Variants in MEIS2 observed in about 807,000 individuals in gnomAD.
The protein encoded by MEIS2 is Meis homeobox 2, also known as homeobox protein Meis2.
MEIS2 carries 9 observed loss-of-function variants against 58.6 expected under a neutral mutation model. That is an observed-to-expected ratio of 0.15 (90% CI 0.09 to 0.27). MEIS2 has a LOEUF of 0.27. Ranked by LOEUF, MEIS2 falls within the 10% of genes least tolerant of loss-of-function variation. The pLI, the probability that MEIS2 is intolerant of heterozygous loss-of-function variation, is 1.00. For synonymous variants in MEIS2, 221 were observed against 228.4 expected (o/e 0.97, Z 0.29); for missense variants, 427 against 635.0 (o/e 0.67, Z 3.52).
At chr15:37,079,827 A>C (rs971809635) in intron 7 of MEIS2, among the ~76,000 whole-genome samples, 1 of 152,114 alleles carries the variant, frequency 6.6e-6, no homozygotes, top group African/African-American at 2.4e-5. Context: ...CTGTGTCCTG[A>C]AAGATTAGAG....
At chr15:36,971,323 G>C (rs958563347) in intron 8 of MEIS2, among the ~76,000 whole-genome samples, 5 of 151,802 alleles carry the variant, frequency 3.3e-5, no homozygotes, top group Admixed American at 6.6e-5. Flanking sequence ...CAATGTCTAA[G>C]AAATGCTTAA....
chr15:36,955,605 T>C (rs1268890937), intron 8 of MEIS2, among the ~76,000 whole-genome samples: 2 of 152,050 alleles, frequency 1.3e-5, no homozygotes, highest in African/African-American at 4.8e-5. Context: ...AATAACAAGG[T>C]TTGTGATGCT....
chr15:37,092,665 C>T (rs1254028369), intron 6 of MEIS2, among the ~76,000 whole-genome samples: 1 of 74,350 alleles, frequency 1.3e-5, no homozygotes, highest in East Asian at 4.6e-4. Flanking sequence ...CTCTTTGCTT[C>T]TTTTTCAAAT....
chr15:37,022,581 A>G (rs1567193078), intron 8 of MEIS2, among the ~76,000 whole-genome samples: 1 of 151,426 alleles, frequency 6.6e-6, no homozygotes. Flanking sequence ...CTTACCAGTC[A>G]TTTGTATTTC....
chr15:37,005,395 T>A (rs760801781), intron 8 of MEIS2, among the ~76,000 whole-genome samples: 2 of 152,226 alleles, frequency 1.3e-5, no homozygotes, highest in African/African-American at 2.4e-5. Context: ...TGGAACAATC[T>A]AGGTCTCCAG....
intron 8 of MEIS2, among the ~76,000 whole-genome samples, chr15:36,965,411 T>C (rs1243583284): frequency 6.6e-6 from 1 of 152,194 alleles, no homozygotes; most frequent in Admixed American, 6.5e-5. Flanking sequence ...ATTTCTAAGG[T>C]ATTTTAGTTT....
Position 36,964,593 on chromosome 15 carries a change from A to C in MEIS2, c.901-14193T>G, listed in dbSNP as rs981074051. ...TTTTCATGAGAAATTATATATTTCT[A>C]TTAGCCCATATTGATTCAGAAAGAA... On this transcript the variant is annotated intron_variant, in intron 8 of 11. Coordinates refer to ENST00000561208, the MANE Select transcript of MEIS2 (RefSeq NM_170675.5). Among the ~76,000 whole-genome samples the C allele has an allele frequency of 3.9e-5, 6 of 152,188 alleles. 1 individual carries two copies. Among genetic ancestry groups the C allele is most frequent in the Admixed American group, 3.9e-4 (6 of 15,288 alleles).
intron 6 of MEIS2, 46 bp from the exon 7 acceptor site, chr15:37,083,931 C>T: frequency 4.5e-6 from 7 of 1,555,942 alleles, no homozygotes; most frequent in Non-Finnish European, 5.3e-6. Flanking sequence ...ACCATTTCAG[C>T]CATCAATGAA....
intron 9 of MEIS2, among the ~76,000 whole-genome samples, chr15:36,905,695 G>A (rs565979340): frequency 5.9e-5 from 9 of 152,132 alleles, no homozygotes; most frequent in African/African-American, 2.2e-4. Context: ...TCACACATTG[G>A]TAAATCTTCC....
chr15:36,985,774 A>G (rs2060074138), intron 8 of MEIS2, among the ~76,000 whole-genome samples: 1 of 152,112 alleles, frequency 6.6e-6, no homozygotes, highest in African/African-American at 2.4e-5. Flanking sequence ...TAATCTCTCA[A>G]AGCAGTTCCC....
chr15:36,913,547 A>G (rs1238510691), intron 9 of MEIS2, among the ~76,000 whole-genome samples: 3 of 152,190 alleles, frequency 2.0e-5, no homozygotes, highest in Non-Finnish European at 4.4e-5. Flanking sequence ...TAAAGCAACT[A>G]TTTCCTTAAA....
chr15:36,961,284 A>G lies in MEIS2; in HGVS notation c.901-10884T>C, dbSNP rs916224818. Among the ~76,000 whole-genome samples the G allele has an allele frequency of 5.3e-5, 8 of 152,292 alleles. No individual in the cohort carries two copies. In the East Asian group the frequency reaches 1.5e-3, roughly 29 times the overall value. The stretch of plus-strand genomic sequence containing the variant: ...ATGTCTTTTCATCATACCTGTGAAC[A>G]TGTATTTTTCTGGTAATTATAAGAT... On this transcript the variant is annotated intron_variant, in intron 8 of 11. Coordinates refer to ENST00000561208, the MANE Select transcript of MEIS2 (RefSeq NM_170675.5).
At chr15:37,005,789 G>A (rs2060900619) in intron 8 of MEIS2, among the ~76,000 whole-genome samples, 1 of 152,108 alleles carries the variant, frequency 6.6e-6, no homozygotes, top group Non-Finnish European at 1.5e-5. Context: ...AAACTTCTGA[G>A]CTCAAGTCAT....
At chr15:37,018,473 T>C in intron 8 of MEIS2, among the ~76,000 whole-genome samples, 1 of 152,342 alleles carries the variant, frequency 6.6e-6, no homozygotes, top group South Asian at 2.1e-4. Flanking sequence ...TATACAATTT[T>C]TAAAGTAGTG....
At chr15:36,956,822 C>A (rs1041606280) in intron 8 of MEIS2, among the ~76,000 whole-genome samples, 8 of 147,910 alleles carry the variant, frequency 5.4e-5, no homozygotes, top group African/African-American at 2.0e-4. Flanking sequence ...TAAACATAGA[C>A]CGATTTGGAT....
rs1321421997 is a variant in MEIS2 at position 36,907,079 on chromosome 15, CAG to C, written c.978-10395_978-10394del. On this transcript the variant is annotated intron_variant, in intron 9 of 11. Coordinates refer to ENST00000561208, the MANE Select transcript of MEIS2 (RefSeq NM_170675.5). Reference sequence around the variant, plus strand: ...AAGTAAGTTTAGTAATGGAACTTATCAGAGAGTTTTTAAAACTGGAATAGGAA... The same window carrying C: ...AAGTAAGTTTAGTAATGGAACTTATCAGAGTTTTTAAAACTGGAATAGGAA... Among the ~76,000 whole-genome samples, 8 of 152,188 alleles carry C rather than the reference CAG, an allele frequency of 5.3e-5. No homozygotes were observed. In the South Asian group the frequency reaches 1.0e-3, roughly 20 times the overall value.
At chr15:37,077,268 T>G (rs1480743147) in intron 7 of MEIS2, among the ~76,000 whole-genome samples, 1 of 152,056 alleles carries the variant, frequency 6.6e-6, no homozygotes, top group Non-Finnish European at 1.5e-5. Context: ...GAGGGAGGAC[T>G]CTTCTGAATG....
intron 10 of MEIS2, among the ~76,000 whole-genome samples, chr15:36,895,998 C>CT (rs2056155868): frequency 6.6e-6 from 1 of 152,182 alleles, no homozygotes. Flanking sequence ...GAGGAAATGT[C>CT]TGTTTCAAAA....
intron 7 of MEIS2, among the ~76,000 whole-genome samples, chr15:37,040,117 G>T (rs2062357732): frequency 6.6e-6 from 1 of 150,688 alleles, no homozygotes; most frequent in African/African-American, 2.4e-5. Flanking sequence ...TAAGATAGTT[G>T]GCAATCCTTG....
Sources: allele counts gnomAD v4.1 joint callset (sites outside exome capture counted in the v4.1 genomes callset), GRCh38; gene constraint gnomAD v4.1.1; transcripts MANE v1.5; gene names NCBI Gene and HGNC (gene_info 2026-07-23, HGNC 2026-07-21).